The following ZNF212 variants were observed in gnomAD, a reference collection of about 807,000 sequenced individuals.
The protein encoded by ZNF212 is zinc finger protein 212, also known as Zinc finger protein C2H2-150.
In ZNF212, 32 loss-of-function variants were observed where a neutral mutation model predicts 47.3. The observed-to-expected ratio is 0.68, with a 90% CI of 0.51 to 0.91. The LOEUF (loss-of-function observed/expected upper bound fraction) is 0.91, where lower values mean the gene tolerates loss of function less well. Among genes scored for constraint, ZNF212 ranks in the 40% least tolerant of loss-of-function variants. The pLI is 0.00. For missense variants in ZNF212, 555 were observed against 622.8 expected (o/e 0.89, Z 1.16); for synonymous variants, 242 against 253.8 (o/e 0.95, Z 0.44).
At chr7:149,242,026 T>C (rs867650499) in intron 1 of ZNF212, among the ~76,000 whole-genome samples, 435 of 132,450 alleles carry the variant, frequency 3.3e-3, no homozygotes, top group African/African-American at 0.011. Flanking sequence ...CTTTTCTTTT[T>C]TTTTTTTTTT....
chr7:149,251,613 G>C (rs1431783987), intron 3 of ZNF212, among the ~76,000 whole-genome samples: 4 of 145,436 alleles, frequency 2.8e-5, no homozygotes, highest in Non-Finnish European at 5.9e-5. Flanking sequence ...TCAGTTTTCC[G>C]AGTAGCTGGG....
intron 1 of ZNF212, among the ~76,000 whole-genome samples, chr7:149,244,533 G>C (rs868345748): frequency 6.6e-6 from 1 of 151,858 alleles, no homozygotes; most frequent in South Asian, 2.1e-4. Context: ...CAGGATGGTC[G>C]CGATCTCCTG....
In ZNF212 at chr7:149,254,447, AG is replaced by A. The variant is rs767706740; in HGVS notation, c.*38del. ...AGCCCCTCGCCCGTCTGGGGGATGG[AG>A]GGGGGTGGCATTGGTTCCCCCGAAG... On this transcript the variant is annotated 3_prime_UTR_variant, in exon 5 of 5. Coordinates refer to ENST00000335870, the MANE Select transcript of ZNF212 (RefSeq NM_012256.4). This position sits in a 1 kb window ranked among gnomAD's most constrained non-coding sequence, Gnocchi z 4.5. 1.3e-6 allele frequency: 2 copies of A among 1,553,940 alleles called. No homozygotes were observed. Among genetic ancestry groups the A allele is most frequent in the Non-Finnish European group, 1.7e-6 (2 of 1,159,374 alleles).
intron 1 of ZNF212, among the ~76,000 whole-genome samples, chr7:149,249,446 T>G (rs1395354427): frequency 6.6e-6 from 1 of 151,916 alleles, no homozygotes; most frequent in Non-Finnish European, 1.5e-5. Flanking sequence ...TATCATATAG[T>G]CCAAAACATT....
At chr7:149,251,490 T>A (rs1243727305) in intron 3 of ZNF212, among the ~76,000 whole-genome samples, 1 of 137,172 alleles carries the variant, frequency 7.3e-6, no homozygotes, top group Non-Finnish European at 1.6e-5. Context: ...GCCTGTTTTA[T>A]CTTTTTTTTT....
At position 149,248,439 on chromosome 7, in the gene ZNF212, A is replaced by G. The variant is rs77732375; in HGVS notation, c.25-1720A>G. Among the ~76,000 whole-genome samples, 446 of 152,320 alleles carry G rather than the reference A, an allele frequency of 2.9e-3. 2 individuals carry two copies. The highest frequency in any genetic ancestry group is 0.01 in the African/African-American group (426 of 41,556). ...GAGGAGACACAATTCAACCCATAAC[A>G]CTGGATGGATCACAATTTTTTCATC... On this transcript the variant is annotated intron_variant, in intron 1 of 4. Coordinates refer to ENST00000335870, the MANE Select transcript of ZNF212 (RefSeq NM_012256.4).
chr7:149,251,491 C>CTTTTTTTTTTTTTTTT (rs71194634), intron 3 of ZNF212, among the ~76,000 whole-genome samples: 1 of 77,434 alleles, frequency 1.3e-5, no homozygotes, highest in Non-Finnish European at 2.4e-5. Flanking sequence ...CCTGTTTTAT[C>CTTTTTTTTTTTTTTTT]TTTTTTTTTT....
chr7:149,250,857 C>G, intron 3 of ZNF212, 50 bp downstream of exon 3: 1 of 1,607,160 alleles, frequency 6.2e-7, no homozygotes. Flanking sequence ...TACTACAATT[C>G]CTGGCTGGCA....
intron 2 of ZNF212, 49 bp from the exon 3 acceptor site, chr7:149,250,632 G>C: frequency 6.2e-7 from 1 of 1,612,826 alleles, no homozygotes; most frequent in Non-Finnish European, 8.5e-7. Context: ...TGGCTTTTCT[G>C]TCATAGCTGT....
intron 1 of ZNF212, among the ~76,000 whole-genome samples, chr7:149,246,464 G>T (rs1796678223): frequency 6.6e-6 from 1 of 151,644 alleles, no homozygotes; most frequent in Non-Finnish European, 1.5e-5. Flanking sequence ...CTCACTGCAG[G>T]CTCCGCCTGC....
At chr7:149,253,465 G>A in intron 4 of ZNF212, 94 bp from the exon 5 acceptor site, 2 of 1,457,278 alleles carry the variant, frequency 1.4e-6, no homozygotes, top group East Asian at 2.3e-5. Context: ...TTATTCCTGG[G>A]GTGCTTCTGA....
At chr7:149,251,491 C>CTTTTTTTTT (rs71194634) in intron 3 of ZNF212, among the ~76,000 whole-genome samples, 75 of 77,400 alleles carry the variant, frequency 9.7e-4, no homozygotes, top group Non-Finnish European at 1.2e-3. Context: ...CCTGTTTTAT[C>CTTTTTTTTT]TTTTTTTTTT....
At chr7:149,246,385 C>CT (rs879770541) in intron 1 of ZNF212, among the ~76,000 whole-genome samples, 6,728 of 143,618 alleles carry the variant, frequency 0.047, 255 homozygotes, top group African/African-American at 0.11. Flanking sequence ...TATAATCAGT[C>CT]TTTTTTTTTT....
chr7:149,250,044 A>G (rs530990908), intron 1 of ZNF212, 115 bp from the exon 2 acceptor site: 1 of 1,032,296 alleles, frequency 9.7e-7, no homozygotes, highest in East Asian at 2.9e-5. Flanking sequence ...AATAAAAGAC[A>G]TGCTTTTTTT....
Position 149,253,841 on chromosome 7 carries a change from G to T in ZNF212, c.914G>T (p.Gly305Val). The T allele has an allele frequency of 6.2e-7, 1 of 1,613,984 alleles. No individual in the cohort carries two copies. Among genetic ancestry groups the T allele is most frequent in the East Asian group, 2.2e-5 (1 of 44,878 alleles). The change falls in exon 5 of 5, where the codon GGC (glycine) becomes GTC (valine). Residue 305 changes from glycine to valine, a missense_variant. Physicochemically the swap from Gly to Val is moderately radical, Grantham distance 109. Transcript: ENST00000335870. ...CAGCTGGACCAGGAATGTGGGCAGG[G>T]CCTGAAGCTGAAAAAGGACACTTCC... ...QVQLDQECGQ[G>V]LKLKKDTSRP...
chr7:149,248,716 A>G (rs1455211896), intron 1 of ZNF212, among the ~76,000 whole-genome samples: 5 of 152,226 alleles, frequency 3.3e-5, no homozygotes, highest in African/African-American at 1.2e-4. Context: ...GATGGCATGC[A>G]TATATCCAGT....
intron 4 of ZNF212, among the ~76,000 whole-genome samples, chr7:149,253,286 A>G (rs1441253299): frequency 2.0e-5 from 3 of 152,220 alleles, no homozygotes; most frequent in African/African-American, 2.4e-5. Flanking sequence ...CACAGGGATT[A>G]AATATAAATT....
At chr7:149,247,261 CA>C (rs949468830) in intron 1 of ZNF212, among the ~76,000 whole-genome samples, 4 of 151,920 alleles carry the variant, frequency 2.6e-5, no homozygotes, top group Non-Finnish European at 4.4e-5. Context: ...AGGCACATGC[CA>C]CCACGTCTGG....
At chr7:149,243,902 A>G (rs999492742) in intron 1 of ZNF212, among the ~76,000 whole-genome samples, 1 of 152,082 alleles carries the variant, frequency 6.6e-6, no homozygotes, top group African/African-American at 2.4e-5. Context: ...AATGTTAGCT[A>G]GTATGATTGA....
Sources: gnomAD v4.1 joint callset for allele counts (sites outside exome capture counted in the v4.1 genomes callset) on GRCh38, gnomAD v4.1.1 for gene constraint, Gnocchi (gnomAD v3.1) non-coding constraint, MANE v1.5 for transcripts, NCBI Gene and HGNC (gene_info 2026-07-23, HGNC 2026-07-21) for gene names.